LUZP2: variants seen among roughly 807,000 people sequenced by gnomAD.
The protein encoded by LUZP2 is leucine zipper protein 2.
A neutral mutation model predicts 51.6 loss-of-function variants in LUZP2; 52 were observed. That is an observed-to-expected ratio of 1.01 (90% CI 0.81 to 1.27). The LOEUF is 1.27. Among genes scored for constraint, LUZP2 ranks in the 50% most tolerant of loss-of-function variants. LUZP2 has a pLI of 0.00. For synonymous variants in LUZP2, 154 were observed against 137.3 expected (o/e 1.12, Z -0.85); for missense variants, 436 against 395.4 (o/e 1.10, Z -0.87).
chr11:25,081,469 A>T lies in LUZP2; in HGVS notation c.*2811A>T, dbSNP rs1859458486. The T allele has an allele frequency of 2.0e-5, 3 of 151,668 alleles. No individual in the cohort carries two copies. The South Asian group carries it at 6.2e-4, about 31-fold the overall frequency. The allele number at this position is 151,668 out of a possible 1,614,324, so 9.4% of individuals were successfully genotyped here. A position where few individuals can be genotyped will look rare whatever the true frequency, so the allele number is the denominator to read the frequency against. On this transcript the variant is annotated 3_prime_UTR_variant, in exon 12 of 12. Coordinates refer to ENST00000336930, the MANE Select transcript of LUZP2 (RefSeq NM_001009909.4). ...GGAGACATTTAAAAATATATTTAGG[A>T]GTTCCTTTTAATAACTAAGTTAGAG...
intron 1 of LUZP2, among the ~76,000 whole-genome samples, chr11:24,664,485 G>A (rs1856144122): frequency 6.6e-6 from 1 of 152,102 alleles, no homozygotes; most frequent in Non-Finnish European, 1.5e-5. Flanking sequence ...ACCATGACAA[G>A]GGGGGAAAAT....
intron 1 of LUZP2, among the ~76,000 whole-genome samples, chr11:24,663,052 T>C (rs2133985765): frequency 6.6e-6 from 1 of 152,230 alleles, no homozygotes; most frequent in Non-Finnish European, 1.5e-5. Context: ...ATTCCAAAGA[T>C]AATCACTTTT....
At chr11:24,648,108 T>C (rs139860830) in intron 1 of LUZP2, among the ~76,000 whole-genome samples, 304 of 152,100 alleles carry the variant, frequency 2.0e-3, no homozygotes, top group African/African-American at 6.6e-3. Context: ...TGTTCAACAC[T>C]GATGCAAAAA....
At chr11:24,536,519 T>A (rs1398949993) in intron 1 of LUZP2, among the ~76,000 whole-genome samples, 1 of 151,848 alleles carries the variant, frequency 6.6e-6, no homozygotes, top group South Asian at 2.1e-4. Flanking sequence ...TCCTTAAATC[T>A]TATGAACCAA....
chr11:24,614,483 T>G (rs1371640827), intron 1 of LUZP2, among the ~76,000 whole-genome samples: 1 of 152,038 alleles, frequency 6.6e-6, no homozygotes, highest in East Asian at 1.9e-4. Flanking sequence ...TTATTATCAC[T>G]AGTAGTAAAA....
At chr11:24,565,011 A>C (rs1852168325) in intron 1 of LUZP2, among the ~76,000 whole-genome samples, 1 of 152,300 alleles carries the variant, frequency 6.6e-6, no homozygotes, top group East Asian at 1.9e-4. Flanking sequence ...ACAGGCATGG[A>C]GTAATTAATG....
chr11:25,018,950 G>A (rs1338824555), intron 9 of LUZP2, among the ~76,000 whole-genome samples: 2 of 152,000 alleles, frequency 1.3e-5, no homozygotes, highest in East Asian at 3.9e-4. Flanking sequence ...AACAGTTTTA[G>A]ACTCACAGCA....
chr11:25,056,398 A>T (rs1395323060), intron 10 of LUZP2, among the ~76,000 whole-genome samples: 1 of 152,126 alleles, frequency 6.6e-6, no homozygotes, highest in Non-Finnish European at 1.5e-5. Context: ...TTCTATAATT[A>T]TCAGCAACCT....
intron 1 of LUZP2, among the ~76,000 whole-genome samples, chr11:24,623,117 A>G (rs1854555806): frequency 6.6e-6 from 1 of 152,116 alleles, no homozygotes; most frequent in Non-Finnish European, 1.5e-5. Context: ...ACATACACAC[A>G]GAGAGATTGA....
intron 10 of LUZP2, among the ~76,000 whole-genome samples, chr11:25,068,882 A>G (rs1215498722): frequency 1.3e-5 from 2 of 152,044 alleles, no homozygotes; most frequent in Non-Finnish European, 2.9e-5. Context: ...CAGAATGTTT[A>G]CTTCTGCTTT....
intron 4 of LUZP2, among the ~76,000 whole-genome samples, chr11:24,750,073 CCAAGAG>C (rs1859524351): frequency 6.6e-6 from 1 of 152,182 alleles, no homozygotes; most frequent in Non-Finnish European, 1.5e-5. Flanking sequence ...ATCTTCTAGA[CCAAGAG>C]GCTGATAAAA....
Position 24,790,838 on chromosome 11 carries a change from A to G in LUZP2, c.396+27530A>G, listed in dbSNP as rs371398712. ...TCATTGTCTTTGTTAGATATTTCTT[A>G]AATTTTTAGCTATTTATTGTTCAAG... On this transcript the variant is annotated intron_variant, in intron 5 of 11. Coordinates refer to ENST00000336930, the MANE Select transcript of LUZP2 (RefSeq NM_001009909.4). 2.2e-4 allele frequency among the ~76,000 whole-genome samples: 34 copies of G among 152,162 alleles called. No individual in the cohort carries two copies. The East Asian group carries it at 4.8e-3, about 22-fold the overall frequency.
intron 1 of LUZP2, among the ~76,000 whole-genome samples, chr11:24,583,644 AG>A (rs1382591840): frequency 6.6e-6 from 1 of 152,088 alleles, no homozygotes. Context: ...CTTGTTTAGA[AG>A]AAAAATAAAG....
At position 24,919,403 on chromosome 11, in the gene LUZP2, A is replaced by G. The variant is rs1242782115; in HGVS notation, c.522+4865A>G. On this transcript the variant is annotated intron_variant, in intron 7 of 11. Coordinates refer to ENST00000336930, the MANE Select transcript of LUZP2 (RefSeq NM_001009909.4). ...CATATATTGATAATATATGTTATAT[A>G]TTATATATGACATATATTGATAATA... Among the ~76,000 whole-genome samples the G allele has an allele frequency of 9.7e-5, 7 of 72,460 alleles. No individual in the cohort carries two copies. In the South Asian group the frequency reaches 1.6e-3, roughly 17 times the overall value. 47.5% of individuals were successfully genotyped at this position (72,460 alleles called of 152,430 possible).
chr11:24,675,947 C>A (rs1856534834), intron 1 of LUZP2, among the ~76,000 whole-genome samples: 1 of 151,882 alleles, frequency 6.6e-6, no homozygotes, highest in African/African-American at 2.4e-5. Context: ...GCTTCCTGAG[C>A]ATCTGGGATT....
At chr11:24,916,716 T>G (rs1565102056) in intron 7 of LUZP2, among the ~76,000 whole-genome samples, 1 of 152,206 alleles carries the variant, frequency 6.6e-6, no homozygotes, top group Non-Finnish European at 1.5e-5. Context: ...TGCCACATTT[T>G]CTTAATCCAG....
At chr11:24,859,207 TATTA>T (rs1276993630) in intron 5 of LUZP2, among the ~76,000 whole-genome samples, 1 of 152,226 alleles carries the variant, frequency 6.6e-6, no homozygotes, top group Admixed American at 6.5e-5. Flanking sequence ...CATCTTATTT[TATTA>T]ATTCAAATTA....
chr11:24,542,597 T>G (rs1851406717), intron 1 of LUZP2, among the ~76,000 whole-genome samples: 1 of 151,946 alleles, frequency 6.6e-6, no homozygotes, highest in Admixed American at 6.6e-5. Flanking sequence ...GATCTTTAAT[T>G]TTCATAATCA....
chr11:24,793,592 G>A (rs957384624), intron 5 of LUZP2, among the ~76,000 whole-genome samples: 1 of 152,136 alleles, frequency 6.6e-6, no homozygotes, highest in East Asian at 1.9e-4. Context: ...CCATGATAAG[G>A]GAGAGAGGAC....
Sources: gnomAD v4.1 joint callset for allele counts (sites outside exome capture counted in the v4.1 genomes callset) on GRCh38, gnomAD v4.1.1 for gene constraint, MANE v1.5 for transcripts, NCBI Gene and HGNC (gene_info 2026-07-23, HGNC 2026-07-21) for gene names.